ATM: variants seen among roughly 807,000 people sequenced by gnomAD.
ATM encodes serine-protein kinase ATM.
Under a neutral mutation model 387.0 loss-of-function variants are expected in ATM, and 308 were observed. The ratio of observed to expected loss-of-function variants is 0.80; its 90% CI spans 0.73 to 0.87. ATM has a LOEUF of 0.87. ATM is among the 40% of genes least tolerant of loss of function. ATM has a pLI of 0.00. For synonymous variants in ATM, 1,156 were observed against 1,187.3 expected, an observed-to-expected ratio of 0.97 and a Z score of 0.54; for missense variants, 3,312 against 3,560.9, an observed-to-expected ratio of 0.93 and a Z score of 1.78.
intron 33 of ATM, among the ~76,000 whole-genome samples, chr11:108,298,837 G>T (rs2083260131): frequency 6.6e-6 from 1 of 152,126 alleles, no homozygotes; most frequent in Admixed American, 6.5e-5. Context: ...AATGAATTTA[G>T]CAAAGTTGCA....
intron 22 of ATM, among the ~76,000 whole-genome samples, chr11:108,278,106 G>A (rs1260133343): frequency 6.6e-6 from 1 of 152,086 alleles, no homozygotes; most frequent in Non-Finnish European, 1.5e-5. Flanking sequence ...ACTTTAAAAT[G>A]TAAGCAATCA....
At chr11:108,364,800 G>T (rs946234466) in intron 61 of ATM, among the ~76,000 whole-genome samples, 2 of 152,146 alleles carry the variant, frequency 1.3e-5, no homozygotes, top group East Asian at 1.9e-4. Context: ...GAAAGAAAGT[G>T]ACTAACCTTT....
Position 108,368,995 on chromosome 11 carries a change from TAATGA to T in ATM, c.*3491_*3495del. 5.4e-6 allele frequency: 1 copy of T among 184,020 alleles called. No homozygotes were observed. The allele number at this position is 184,020 out of a possible 1,614,324, so 11.4% of individuals were successfully genotyped here. On this transcript the variant is annotated 3_prime_UTR_variant, in exon 63 of 63. Transcript: ENST00000675843. ...AATTTCAAGTATTTTAATTGCACCTTAATGAAATTATCTATTTTCTATAGATTTTA... is the reference window on the plus strand; with the variant it reads ...AATTTCAAGTATTTTAATTGCACCTTAATTATCTATTTTCTATAGATTTTA...
At chr11:108,297,410 A>G in intron 33 of ATM, 28 bp downstream of exon 33, 1 of 1,522,168 alleles carries the variant, frequency 6.6e-7, no homozygotes, top group South Asian at 1.1e-5. Context: ...GCTGCGTGAC[A>G]TTTCAGTCAA....
Position 108,249,089 on chromosome 11 carries a change from G to A in ATM, c.1222G>A (p.Asp408Asn), listed in dbSNP as rs864622548. 1 of 1,613,780 alleles carries A rather than the reference G, an allele frequency of 6.2e-7. No individual in the cohort carries two copies. Among genetic ancestry groups the A allele is most frequent in the Admixed American group, 1.7e-5 (1 of 59,988 alleles). ...CCTTCAGAAGTCACAGAATGATTTT[G>A]ATCTTGTGCCTTGGTAAAGTGTTAC... ...DHLQKSQNDF[D>N]LVPWLQIATQ... The change falls in exon 9 of 63, where the codon GAT becomes AAT. Residue 408 changes from aspartate to asparagine, a missense_variant. This residue lies in a region of ATM where 1,791 missense variants were observed against 1,804.5 expected (regional missense o/e 0.99). Coordinates refer to ENST00000675843, the MANE Select transcript of ATM (RefSeq NM_000051.4).
intron 61 of ATM, among the ~76,000 whole-genome samples, chr11:108,364,338 T>C (rs2091110611): frequency 6.6e-6 from 1 of 152,208 alleles, no homozygotes; most frequent in Admixed American, 6.5e-5. Context: ...GTTCTGTGTT[T>C]ATAAATACCA....
chr11:108,330,195 C>G lies in ATM; in HGVS notation c.7308-19C>G, dbSNP rs2136449985. On this transcript the variant is annotated intron_variant, in intron 49 of 62. Coordinates refer to ENST00000675843, the MANE Select transcript of ATM (RefSeq NM_000051.4). ...AAAGTTCATGGCTTTTGTGTTTTACCTTAATTATTCTATGCAAGATACACA... is the reference window on the plus strand; with the variant it reads ...AAAGTTCATGGCTTTTGTGTTTTACGTTAATTATTCTATGCAAGATACACA... 6.2e-7 allele frequency: 1 copy of G among 1,609,252 alleles called. No homozygotes were observed. Among genetic ancestry groups the G allele is most frequent in the South Asian group, 1.1e-5 (1 of 90,780 alleles).
chr11:108,245,898 C>T (rs1473878491), intron 7 of ATM, among the ~76,000 whole-genome samples: 2 of 147,380 alleles, frequency 1.4e-5, no homozygotes, highest in Non-Finnish European at 3.0e-5. Flanking sequence ...AATGTTAGCT[C>T]ACTGCAACCT....
At chr11:108,305,594 A>C (rs537795911) in intron 37 of ATM, among the ~76,000 whole-genome samples, 1 of 152,306 alleles carries the variant, frequency 6.6e-6, no homozygotes, top group East Asian at 1.9e-4. Context: ...AAAAAAAGAA[A>C]AAAAACCCTT....
At chr11:108,285,761 C>A (rs375693265) in intron 26 of ATM, among the ~76,000 whole-genome samples, 5 of 152,030 alleles carry the variant, frequency 3.3e-5, no homozygotes, top group African/African-American at 9.7e-5. Context: ...CCAAAGACAG[C>A]TGGAACAGAA....
chr11:108,316,753 C>CAAAAAAAAAAA (rs58165074), intron 42 of ATM, among the ~76,000 whole-genome samples: 10 of 72,364 alleles, frequency 1.4e-4, no homozygotes, highest in African/African-American at 4.4e-4. Flanking sequence ...ACTAAAAATA[C>CAAAAAAAAAAA]AAAAAAAAAA....
chr11:108,334,033 A>C, intron 54 of ATM, 65 bp downstream of exon 54: 2 of 1,299,504 alleles, frequency 1.5e-6, no homozygotes, highest in Non-Finnish European at 2.2e-6. Context: ...GAACCATTTG[A>C]AATAGTATTT....
rs1555100593 is a variant in ATM, at chr11:108,293,447, A to G, written c.4746A>G (p.Lys1582=). The change falls in exon 31 of 63, where the codon AAA becomes AAG. Residue 1582 remains lysine, a synonymous_variant. Coordinates refer to ENST00000675843, the MANE Select transcript of ATM (RefSeq NM_000051.4). ...KDLRITQQKI[K]YSRGPFSLLE... Reference sequence around the variant, plus strand: ...TGCGTATTACTCAGCAAAAAATCAAATACAGTAGAGGACCCTTTTCACTCT... The same window carrying G: ...TGCGTATTACTCAGCAAAAAATCAAGTACAGTAGAGGACCCTTTTCACTCT... The G allele has an allele frequency of 1.2e-6, 2 of 1,612,790 alleles. No individual in the cohort carries two copies. Among genetic ancestry groups the G allele is most frequent in the Non-Finnish European group, 8.5e-7 (1 of 1,179,150 alleles).
rs2136526363 is a variant in ATM at position 108,332,000 on chromosome 11, C to T, written c.7751C>T (p.Thr2584Ile). 6.2e-7 allele frequency: 1 copy of T among 1,613,934 alleles called. No individual in the cohort carries two copies. Among genetic ancestry groups the T allele is most frequent in the East Asian group, 2.2e-5 (1 of 44,840 alleles). Residue 2584 changes from threonine to isoleucine, a missense_variant, in exon 52 of 63, where the codon ACT becomes ATT. Physicochemically the swap from Thr to Ile is moderately conservative, Grantham distance 89. This residue lies in a region of ATM where 1,405 missense variants were observed against 1,604.4 expected (regional missense o/e 0.88). Transcript: ENST00000675843. The stretch of plus-strand genomic sequence containing the variant: ...GAGGTAGCCAGAAGAAGCAGAATAA[C>T]TAAAAATGTGCCTAAACAAAGCTCT... Reference protein sequence around the residue: ...KPEVARRSRITKNVPKQSSQL... With the variant: ...KPEVARRSRIIKNVPKQSSQL...
At chr11:108,301,613 G>T (rs2135910746) in intron 34 of ATM, 35 bp from the exon 35 acceptor site, 1 of 1,612,186 alleles carries the variant, frequency 6.2e-7, no homozygotes, top group Non-Finnish European at 8.5e-7. Context: ...TTAATAACTG[G>T]TGTACTTGAT....
chr11:108,354,720 C>T (rs747062278), intron 60 of ATM, 91 bp from the exon 61 acceptor site: 1 of 1,126,100 alleles, frequency 8.9e-7, no homozygotes, highest in Non-Finnish European at 1.4e-6. Flanking sequence ...AGCATAGGCT[C>T]AGCATACTAC....
At chr11:108,279,807 G>A (rs1188774477) in intron 23 of ATM, among the ~76,000 whole-genome samples, 199 bp downstream of exon 23, 1 of 152,038 alleles carries the variant, frequency 6.6e-6, no homozygotes, top group African/African-American at 2.4e-5. Context: ...ATTTCTTTTG[G>A]TTTAGCATTT....
chr11:108,293,894 A>AAAAAAATATAT (rs1491178678), intron 31 of ATM, among the ~76,000 whole-genome samples: 1 of 83,708 alleles, frequency 1.2e-5, no homozygotes, highest in African/African-American at 4.2e-5. Flanking sequence ...AAAAAAAAAA[A>AAAAAAATATAT]ATATATATAT....
intron 16 of ATM, among the ~76,000 whole-genome samples, chr11:108,264,466 T>C (rs2081097655): frequency 6.6e-6 from 1 of 152,196 alleles, no homozygotes; most frequent in Non-Finnish European, 1.5e-5. Flanking sequence ...AAATTAGGTA[T>C]TGATGGGACG....
Sources: allele counts gnomAD v4.1 joint callset (sites outside exome capture counted in the v4.1 genomes callset), GRCh38; gene constraint gnomAD v4.1.1; regional missense constraint gnomAD v4.1.1; transcripts MANE v1.5; gene names NCBI Gene and HGNC (gene_info 2026-07-23, HGNC 2026-07-21).